The following NECAB2 variants were observed in gnomAD, a reference collection of about 807,000 sequenced individuals.
The protein encoded by NECAB2 is N-terminal EF-hand calcium-binding protein 2.
Under a neutral mutation model 51.9 loss-of-function variants are expected in NECAB2, and 68 were observed. The observed-to-expected ratio is 1.31, with a 90% CI of 1.08 to 1.60. NECAB2 has a LOEUF of 1.60. NECAB2 is among the 40% of genes most tolerant of loss of function. NECAB2 has a pLI of 0.00. For missense variants in NECAB2, 854 were observed against 490.3 expected (o/e 1.74, Z -7.00); for synonymous variants, 329 against 203.5 (o/e 1.62, Z -5.25).
intron 5 of NECAB2, among the ~76,000 whole-genome samples, chr16:83,982,102 G>C (rs1216782584): frequency 1.3e-5 from 2 of 152,212 alleles, no homozygotes; most frequent in East Asian, 1.9e-4. Context: ...TGAGCATGCA[G>C]GACCAAGCTC....
intron 9 of NECAB2, 105 bp from the exon 10 acceptor site, chr16:83,998,100 G>GT (rs2084744891): frequency 2.1e-6 from 2 of 973,576 alleles, no homozygotes; most frequent in Non-Finnish European, 3.1e-6. Flanking sequence ...GTGGGGGAGG[G>GT]TTATTTTATT....
chr16:83,995,065 G>C (rs1293061545), intron 8 of NECAB2, among the ~76,000 whole-genome samples: 1 of 152,228 alleles, frequency 6.6e-6, no homozygotes, highest in Admixed American at 6.5e-5. Context: ...GCACCAGGAT[G>C]AAAGAGAGAC....
intron 10 of NECAB2, among the ~76,000 whole-genome samples, chr16:83,999,396 T>G (rs1324469554): frequency 2.0e-5 from 3 of 152,062 alleles, no homozygotes; most frequent in Admixed American, 6.6e-5. Context: ...CGATGCGCTG[T>G]GGAGAGGAGG....
At chr16:83,975,653 AG>A (rs1387700368) in intron 2 of NECAB2, among the ~76,000 whole-genome samples, 1 of 152,078 alleles carries the variant, frequency 6.6e-6, no homozygotes, top group Non-Finnish European at 1.5e-5. Context: ...GGTTAGCATG[AG>A]GGGCCTGACT....
At chr16:84,002,092 C>T (rs1054172623) in intron 12 of NECAB2, among the ~76,000 whole-genome samples, 176 bp downstream of exon 12, 4 of 152,200 alleles carry the variant, frequency 2.6e-5, no homozygotes, top group Non-Finnish European at 5.9e-5. Flanking sequence ...TACAGGTATG[C>T]CTGCCAGAGC....
intron 2 of NECAB2, among the ~76,000 whole-genome samples, chr16:83,973,324 G>A (rs1450543803): frequency 2.0e-5 from 3 of 152,158 alleles, no homozygotes; most frequent in Non-Finnish European, 4.4e-5. Flanking sequence ...TCCCACCCAG[G>A]GCGGTTGCAG....
At chr16:83,987,540 T>G (rs1179170195) in intron 5 of NECAB2, among the ~76,000 whole-genome samples, 7 of 152,178 alleles carry the variant, frequency 4.6e-5, no homozygotes. Context: ...ATTTTAGCCT[T>G]TTTTTATGTG....
At chr16:83,978,706 G>C (rs910512253) in intron 3 of NECAB2, among the ~76,000 whole-genome samples, 154 bp downstream of exon 3, 1 of 151,954 alleles carries the variant, frequency 6.6e-6, no homozygotes, top group Admixed American at 6.6e-5. Flanking sequence ...TCACTGCCTG[G>C]GGTGAATGGG....
chr16:84,002,466 A>G lies in NECAB2; in HGVS notation c.*120A>G, dbSNP rs1223150401. ...TTCTTTTCAATCCATCCTCCACAAG[A>G]AGGTGTTTCCCTGTTGTTAAGTGAA... On this transcript the variant is annotated 3_prime_UTR_variant, in exon 13 of 13. Coordinates refer to ENST00000305202, the MANE Select transcript of NECAB2 (RefSeq NM_019065.3). The G allele has an allele frequency of 2.2e-6, 3 of 1,344,208 alleles. No homozygotes were observed. The highest frequency in any genetic ancestry group is 1.7e-5 in the Admixed American group (1 of 57,776). The allele number at this position is 1,344,208 out of a possible 1,614,324, so 83.3% of individuals were successfully genotyped here.
Position 83,998,282 on chromosome 16 carries a change from T to G in NECAB2, c.927T>G (p.Tyr309Ter). The change falls in exon 10 of 13, where the codon TAT becomes TAG. Residue 309 changes from tyrosine (Y) to a stop codon, truncating the protein, a stop_gained. Coordinates refer to ENST00000305202, the MANE Select transcript of NECAB2 (RefSeq NM_019065.3). LOFTEE classifies it high-confidence loss of function. ...LSEFLDSLRQ[Y>*]LRGTTGVRNC... ...AGTTTCTGGACTCTCTGCGCCAGTA[T>G]CTGCGGGGGACCACTGGCGTGAGGA... 1.2e-6 allele frequency: 2 copies of G among 1,613,584 alleles called. No homozygotes were observed. Among genetic ancestry groups the G allele is most frequent in the Non-Finnish European group, 1.7e-6 (2 of 1,180,014 alleles).
chr16:83,975,454 C>G (rs998312776), intron 2 of NECAB2, among the ~76,000 whole-genome samples: 1 of 152,086 alleles, frequency 6.6e-6, no homozygotes, highest in Non-Finnish European at 1.5e-5. Flanking sequence ...CCTCACGTGT[C>G]CACAGGAAGG....
At chr16:83,966,050 A>T (rs1012369980), upstream of NECAB2, 2 of 1,384,152 alleles carry the variant, frequency 1.4e-6, no homozygotes, top group Admixed American at 5.2e-5. Flanking sequence ...GAGAGGACAG[A>T]GATGACCACA....
upstream of NECAB2, chr16:83,965,370 A>G: frequency 6.4e-7 from 1 of 1,572,550 alleles, no homozygotes; most frequent in Non-Finnish European, 8.6e-7. Context: ...CCCTTCATCC[A>G]CCATGAGCTG....
At chr16:83,997,041 G>T (rs1326217842) in intron 8 of NECAB2, among the ~76,000 whole-genome samples, 175 bp from the exon 9 acceptor site, 2 of 150,364 alleles carry the variant, frequency 1.3e-5, no homozygotes, top group East Asian at 3.9e-4. Context: ...CATGTTCTAG[G>T]CCCCCTGTAG....
chr16:83,967,980 G>C (rs1047215288), upstream of NECAB2, among the ~76,000 whole-genome samples: 2 of 149,744 alleles, frequency 1.3e-5, no homozygotes, highest in African/African-American at 2.5e-5. Flanking sequence ...GTAGGCAGGT[G>C]GATGGATGGA....
chr16:84,001,433 G>T (rs894680888), intron 11 of NECAB2, among the ~76,000 whole-genome samples: 1 of 152,152 alleles, frequency 6.6e-6, no homozygotes, highest in Admixed American at 6.5e-5. Flanking sequence ...GCGGTCATGA[G>T]AAGTGAGAGT....
rs1186594117 is a variant in NECAB2 at position 83,994,341 on chromosome 16, C to A, written c.636C>A (p.Thr212=). 6.2e-7 allele frequency: 1 copy of A among 1,614,186 alleles called. No homozygotes were observed. Among genetic ancestry groups the A allele is most frequent in the East Asian group, 2.2e-5 (1 of 44,886 alleles). ...HIKPSHSAAQ[T]WCGSPTPASA... ...AACCCAGCCACAGCGCGGCACAGAC[C>A]TGGTGTGGAAGCCCCACTCCCGCCT... Residue 212 remains threonine, a synonymous_variant, in exon 7 of 13, where the codon ACC becomes ACA. Coordinates refer to ENST00000305202, the MANE Select transcript of NECAB2 (RefSeq NM_019065.3).
chr16:84,000,136 C>G (rs2084797807), intron 10 of NECAB2, among the ~76,000 whole-genome samples: 2 of 152,092 alleles, frequency 1.3e-5, no homozygotes, highest in Admixed American at 1.3e-4. Context: ...ACGTAATCCA[C>G]CTGCCTCGAC....
In NECAB2 at chr16:83,981,014, G is replaced by T; in HGVS notation, c.362-16G>T. 6.2e-7 allele frequency: 1 copy of T among 1,613,196 alleles called. No individual in the cohort carries two copies. On this transcript the variant is annotated splice_polypyrimidine_tract_variant and intron_variant, in intron 4 of 12. Coordinates refer to ENST00000305202, the MANE Select transcript of NECAB2 (RefSeq NM_019065.3). ...GCAGGACCTGTGACCCCTGACCTTTGCCTTTCCTTCCCCAGATTACTTTGT... is the reference window on the plus strand; with the variant it reads ...GCAGGACCTGTGACCCCTGACCTTTTCCTTTCCTTCCCCAGATTACTTTGT...
Sources: allele counts gnomAD v4.1 joint callset (sites outside exome capture counted in the v4.1 genomes callset), GRCh38; gene constraint gnomAD v4.1.1; transcripts MANE v1.5; gene names NCBI Gene and HGNC (gene_info 2026-07-23, HGNC 2026-07-21).